The following MAGI3 variants were observed in gnomAD, a reference collection of about 807,000 sequenced individuals.
The protein encoded by MAGI3 is membrane-associated guanylate kinase, WW and PDZ domain-containing protein 3.
MAGI3 carries 43 observed loss-of-function variants against 121.8 expected under a neutral mutation model. The observed-to-expected ratio is 0.35, with a 90% CI of 0.28 to 0.46. MAGI3 has a LOEUF of 0.46. Ranked by LOEUF, MAGI3 falls within the 20% of genes least tolerant of loss-of-function variation. The pLI is 1.00. For synonymous variants in MAGI3, 553 were observed against 639.3 expected, an observed-to-expected ratio of 0.86 and a Z score of 2.04; for missense variants, 1,547 against 1,797.3, an observed-to-expected ratio of 0.86 and a Z score of 2.52.
chr1:113,480,080 C>G (rs1656038582), intron 1 of MAGI3, among the ~76,000 whole-genome samples: 1 of 152,082 alleles, frequency 6.6e-6, no homozygotes, highest in Non-Finnish European at 1.5e-5. Context: ...AATTCCTTGT[C>G]AGGTAATTTG....
chr1:113,611,409 A>C (rs1194243635), intron 6 of MAGI3, among the ~76,000 whole-genome samples: 2 of 152,118 alleles, frequency 1.3e-5, no homozygotes, highest in Non-Finnish European at 1.5e-5. Context: ...TATTCAATAA[A>C]TATTTGATAA....
chr1:113,538,990 T>A (rs1276617589), intron 1 of MAGI3, among the ~76,000 whole-genome samples: 2 of 152,232 alleles, frequency 1.3e-5, no homozygotes, highest in Non-Finnish European at 2.9e-5. Context: ...GCACAATTTT[T>A]CACAATTTGG....
intron 1 of MAGI3, among the ~76,000 whole-genome samples, chr1:113,463,902 T>C (rs1655151401): frequency 6.6e-6 from 1 of 152,090 alleles, no homozygotes; most frequent in South Asian, 2.1e-4. Context: ...GTACATAGTT[T>C]AGGGGTACAT....
chr1:113,672,086 G>A (rs1647593257), intron 17 of MAGI3, among the ~76,000 whole-genome samples: 3 of 152,182 alleles, frequency 2.0e-5, no homozygotes, highest in Admixed American at 1.3e-4. Context: ...CCTGACATGC[G>A]AGGATTAGAA....
chr1:113,591,532 C>T (rs182395319), intron 5 of MAGI3, among the ~76,000 whole-genome samples: 2 of 152,054 alleles, frequency 1.3e-5, no homozygotes. Context: ...AAAGAGTGAG[C>T]GTCTTGCTAT....
Position 113,579,114 on chromosome 1 carries a change from T to C in MAGI3, c.434-1428T>C, listed in dbSNP as rs540468088. ...TGCATTTGTTTACAATTTCACTTAA[T>C]TTATTTGACAGCTATGTATATTCAG... On this transcript the variant is annotated intron_variant, in intron 2 of 20. Coordinates refer to ENST00000307546, the MANE Select transcript of MAGI3 (RefSeq NM_001142782.2). Among the ~76,000 whole-genome samples the C allele has an allele frequency of 2.0e-5, 3 of 152,370 alleles. No homozygotes were observed. In the South Asian group the frequency reaches 6.2e-4, roughly 32 times the overall value.
At chr1:113,416,319 T>TAATTAATAATGC in intron 1 of MAGI3, among the ~76,000 whole-genome samples, 2 of 129,024 alleles carry the variant, frequency 1.6e-5, no homozygotes, top group African/African-American at 5.7e-5. Context: ...ATTAATTATG[T>TAATTAATAATGC]AATTAATTAT....
intron 19 of MAGI3, among the ~76,000 whole-genome samples, chr1:113,676,027 T>A (rs1270168604): frequency 6.6e-6 from 1 of 151,264 alleles, no homozygotes; most frequent in African/African-American, 2.4e-5. Context: ...CCTCCCCTCC[T>A]ATCTTCTCTT....
At chr1:113,437,035 C>CT (rs1653604488) in intron 1 of MAGI3, among the ~76,000 whole-genome samples, 1 of 151,950 alleles carries the variant, frequency 6.6e-6, no homozygotes, top group African/African-American at 2.4e-5. Context: ...AGGATGGTCT[C>CT]TATCTCCTGA....
At chr1:113,449,388 T>TGTGTGTGTGTGTGA (rs965305900) in intron 1 of MAGI3, among the ~76,000 whole-genome samples, 1 of 151,140 alleles carries the variant, frequency 6.6e-6, no homozygotes, top group Non-Finnish European at 1.5e-5. Flanking sequence ...TGTGTGTGTG[T>TGTGTGTGTGTGTGA]GACAGAGAGA....
chr1:113,579,744 T>C lies in MAGI3; in HGVS notation c.434-798T>C, dbSNP rs540724320. Among the ~76,000 whole-genome samples the C allele has an allele frequency of 2.8e-3, 433 of 152,204 alleles. 5 individuals are homozygous for C. The highest frequency in any genetic ancestry group is 9.8e-3 in the African/African-American group (409 of 41,528). On this transcript the variant is annotated intron_variant, in intron 2 of 20. Transcript: ENST00000307546. The stretch of plus-strand genomic sequence containing the variant: ...AGAAATACTTATGAGGTAGATTTGG[T>C]GACTGGATGTGGAGTAGAGGGAAGA...
intron 1 of MAGI3, among the ~76,000 whole-genome samples, chr1:113,527,380 T>C (rs1040592994): frequency 6.6e-6 from 1 of 152,184 alleles, no homozygotes; most frequent in Non-Finnish European, 1.5e-5. Flanking sequence ...GTTTGAAAAT[T>C]ACTAGAATAT....
chr1:113,420,251 C>T (rs1652670223), intron 1 of MAGI3, among the ~76,000 whole-genome samples: 1 of 152,140 alleles, frequency 6.6e-6, no homozygotes, highest in Admixed American at 6.5e-5. Flanking sequence ...AGACCCTTGC[C>T]AACCCTGAGA....
intron 1 of MAGI3, among the ~76,000 whole-genome samples, chr1:113,465,978 G>A (rs888425780): frequency 1.3e-5 from 2 of 152,090 alleles, no homozygotes; most frequent in Admixed American, 6.6e-5. Flanking sequence ...CAACTTGAAT[G>A]TATGTCCTTT....
At chr1:113,583,120 G>A (rs997046856) in intron 3 of MAGI3, among the ~76,000 whole-genome samples, 1 of 151,000 alleles carries the variant, frequency 6.6e-6, no homozygotes, top group African/African-American at 2.4e-5. Context: ...AGAAAAAATA[G>A]ATCTAATTTA....
Position 113,594,496 on chromosome 1 carries a change from A to C in MAGI3, c.954A>C (p.Thr318=). The C allele has an allele frequency of 6.2e-7, 1 of 1,612,674 alleles. No individual in the cohort carries two copies. Among genetic ancestry groups the C allele is most frequent in the Non-Finnish European group, 8.5e-7 (1 of 1,179,370 alleles). ...TATTCTACAGCCACAATACCAAGAC[A>C]ACCACCTGGTTGGATCCTCGTCTTT... ...MIYFIDHNTK[T]TTWLDPRLCK... Residue 318 remains threonine (T), a synonymous_variant, in exon 6 of 21, where the codon ACA becomes ACC. Coordinates refer to ENST00000307546, the MANE Select transcript of MAGI3 (RefSeq NM_001142782.2).
intron 1 of MAGI3, among the ~76,000 whole-genome samples, chr1:113,406,947 T>A (rs1406880371): frequency 5.3e-5 from 8 of 152,276 alleles, no homozygotes; most frequent in African/African-American, 1.7e-4. Context: ...CTGAAAATTT[T>A]TTACTCAGAG....
chr1:113,680,646 ACT>A (rs1334515279), intron 19 of MAGI3, among the ~76,000 whole-genome samples: 1 of 151,874 alleles, frequency 6.6e-6, no homozygotes, highest in Non-Finnish European at 1.5e-5. Flanking sequence ...AGTCCCAACT[ACT>A]CGGGAGGCTG....
Position 113,641,913 on chromosome 1 carries a change from G to T in MAGI3, c.1363G>T (p.Asp455Tyr). The change falls in exon 10 of 21, where the codon GAT (aspartate) becomes TAT (tyrosine). Residue 455 changes from aspartate to tyrosine, a missense_variant and splice_region_variant. Coordinates refer to ENST00000307546, the MANE Select transcript of MAGI3 (RefSeq NM_001142782.2). The part of the protein sequence containing the change: ...AAQDGKIAPG[D>Y]VIVDINGNCV... ...TTAACATGATTATGTTTTTCCAGGCGATGTTATTGTAGACATCAATGGCAA... is the reference window on the plus strand; with the variant it reads ...TTAACATGATTATGTTTTTCCAGGCTATGTTATTGTAGACATCAATGGCAA... The T allele has an allele frequency of 6.5e-7, 1 of 1,543,222 alleles. No individual in the cohort carries two copies.
Sources: gnomAD v4.1 joint callset for allele counts (sites outside exome capture counted in the v4.1 genomes callset) on GRCh38, gnomAD v4.1.1 for gene constraint, MANE v1.5 for transcripts, NCBI Gene and HGNC (gene_info 2026-07-23, HGNC 2026-07-21) for gene names.